Variants in IL16 observed in about 807,000 individuals in gnomAD.
IL16 encodes the protein pro-interleukin-16.
IL16 carries 67 observed loss-of-function variants against 110.1 expected under a neutral mutation model. The observed-to-expected ratio is 0.61, with a 90% CI of 0.50 to 0.75. The LOEUF (loss-of-function observed/expected upper bound fraction) is 0.75. Among genes scored for constraint, IL16 ranks in the 30% least tolerant of loss-of-function variants. The pLI is 0.00. For synonymous variants in IL16, 689 were observed against 662.9 expected, an observed-to-expected ratio of 1.04 and a Z score of -0.61; for missense variants, 1,545 against 1,655.0, an observed-to-expected ratio of 0.93 and a Z score of 1.15.
chr15:81,210,367 AT>A (rs1307858598), intron 1 of IL16, among the ~76,000 whole-genome samples: 2 of 152,174 alleles, frequency 1.3e-5, no homozygotes, highest in Non-Finnish European at 2.9e-5. Flanking sequence ...TTCCGTATGA[AT>A]TTTAGAATAG....
At chr15:81,195,706 G>C (rs1264021536), upstream of IL16, among the ~76,000 whole-genome samples, 3 of 152,160 alleles carry the variant, frequency 2.0e-5, no homozygotes, top group Non-Finnish European at 4.4e-5. Flanking sequence ...GAAACATTTG[G>C]TGCTGAGCGT....
At chr15:81,250,154 T>C (rs1897716562) in intron 2 of IL16, among the ~76,000 whole-genome samples, 1 of 152,154 alleles carries the variant, frequency 6.6e-6, no homozygotes, top group African/African-American at 2.4e-5. Context: ...TTGCTCCTTG[T>C]AGTTCTCTCT....
chr15:81,278,635 A>G (rs1467890237), intron 6 of IL16, among the ~76,000 whole-genome samples, 182 bp from the exon 7 acceptor site: 1 of 152,208 alleles, frequency 6.6e-6, no homozygotes, highest in East Asian at 1.9e-4. Context: ...GGTGCCAGAG[A>G]AGGCCCATGT....
chr15:81,311,292 C>CTGAT lies in IL16; in HGVS notation c.*2496_*2499dup, dbSNP rs1194175873. On this transcript the variant is annotated 3_prime_UTR_variant, in exon 19 of 19. Transcript: ENST00000683961. ...CTTCTTTGCTTTGCCCAGCATTTTA[C>CTGAT]TGATTCATACATTATCTCACTTGTG... 2 of 152,242 alleles carry CTGAT rather than the reference C, an allele frequency of 1.3e-5. No individual in the cohort carries two copies. The highest frequency in any genetic ancestry group is 2.4e-5 in the African/African-American group (1 of 41,464). The allele number at this position is 152,242 out of a possible 1,614,324, so 9.4% of individuals were successfully genotyped here.
At chr15:81,262,653 C>T (rs1234307142) in intron 3 of IL16, among the ~76,000 whole-genome samples, 1 of 152,128 alleles carries the variant, frequency 6.6e-6, no homozygotes, top group Non-Finnish European at 1.5e-5. Flanking sequence ...AGCTTAAGGC[C>T]GGGCGCAGTG....
chr15:81,306,675 G>A lies in IL16; in HGVS notation c.3805+130G>A, dbSNP rs771909980. The A allele has an allele frequency of 2.7e-6, 3 of 1,094,094 alleles. No homozygotes were observed. The Admixed American group carries it at 5.1e-5, about 19-fold the overall frequency. 67.8% of individuals were successfully genotyped at this position (1,094,094 alleles called of 1,614,324 possible). ...TCCATGTCCTCTTCATAGGCATGCT[G>A]GTCCTTTTAGGGCTCAATTCTGCTT... On this transcript the variant is annotated intron_variant, in intron 18 of 18. Transcript: ENST00000683961.
Position 81,296,983 on chromosome 15 carries a change from G to C in IL16, c.1958G>C (p.Ser653Thr). The C allele has an allele frequency of 6.2e-7, 1 of 1,613,834 alleles. No individual in the cohort carries two copies. The highest frequency in any genetic ancestry group is 1.1e-5 in the South Asian group (1 of 91,064). ...CCACAGGAAGACACAGCAGGGAGAA[G>C]CCCTAGTGCCTCTGCCGGCTGCCCA... is the stretch of plus-strand genomic sequence containing the variant. The part of the protein sequence containing the change: ...LLPQEDTAGR[S>T]PSASAGCPGP... Residue 653 changes from serine (S) to threonine (T), a missense_variant, in exon 13 of 19, where the codon AGC becomes ACC. This residue lies in a region of IL16 where 1,185 missense variants were observed against 1,238.8 expected (regional missense o/e 0.96). Coordinates refer to ENST00000683961, the MANE Select transcript of IL16 (RefSeq NM_172217.5).
chr15:81,246,335 T>A (rs1047558814), intron 2 of IL16, among the ~76,000 whole-genome samples: 3 of 152,110 alleles, frequency 2.0e-5, no homozygotes, highest in Non-Finnish European at 4.4e-5. Context: ...CCTCCAACCA[T>A]CTCCCCACCC....
chr15:81,278,891 G>A lies in IL16; in HGVS notation c.864+1G>A. ...TCAGGATGCTTTGCAGAAGTTCAAG[G>A]TGACCATTTCTTATCAACACGTGAC... is the stretch of plus-strand genomic sequence containing the variant. On this transcript the variant is annotated splice_donor_variant, in intron 7 of 18. Coordinates refer to ENST00000683961, the MANE Select transcript of IL16 (RefSeq NM_172217.5). LOFTEE classifies it high-confidence loss of function. 6.2e-7 allele frequency: 1 copy of A among 1,608,420 alleles called. No homozygotes were observed. Among genetic ancestry groups the A allele is most frequent in the East Asian group, 2.2e-5 (1 of 44,854 alleles).
Position 81,204,548 on chromosome 15 carries a change from C to G in IL16, c.-102+7396C>G, listed in dbSNP as rs138357566. ...TTAGCATGATGGGTTGTTGAATTTT[C>G]TCAAAGGCCTTTTCTGCATCTATTG... On this transcript the variant is annotated intron_variant, in intron 1 of 18. Coordinates refer to ENST00000683961, the MANE Select transcript of IL16 (RefSeq NM_172217.5). 2.6e-3 allele frequency among the ~76,000 whole-genome samples: 397 copies of G among 152,044 alleles called. 1 individual carries two copies. The highest frequency in any genetic ancestry group is 9.2e-3 in the African/African-American group (383 of 41,422).
intron 1 of IL16, among the ~76,000 whole-genome samples, chr15:81,216,819 C>T (rs538208412): frequency 6.6e-6 from 1 of 152,254 alleles, no homozygotes; most frequent in Non-Finnish European, 1.5e-5. Context: ...TACAGCCTTG[C>T]AGCCAAGCCT....
intron 2 of IL16, among the ~76,000 whole-genome samples, chr15:81,240,178 T>C (rs1897299521): frequency 1.3e-5 from 2 of 152,190 alleles, no homozygotes; most frequent in South Asian, 4.1e-4. Flanking sequence ...CATTTTGTTG[T>C]AGTTCATTGA....
At chr15:81,239,350 T>C (rs1039225994) in intron 2 of IL16, among the ~76,000 whole-genome samples, 2 of 152,174 alleles carry the variant, frequency 1.3e-5, no homozygotes, top group Non-Finnish European at 2.9e-5. Flanking sequence ...CTTGCAGTGC[T>C]ATTCTGGTAT....
intron 1 of IL16, among the ~76,000 whole-genome samples, chr15:81,210,240 C>T (rs1372026944): frequency 6.6e-6 from 1 of 152,146 alleles, no homozygotes; most frequent in Non-Finnish European, 1.5e-5. Context: ...ATTTTCTATA[C>T]CAGTGCCATG....
At chr15:81,264,466 T>G (rs1273392144) in intron 3 of IL16, among the ~76,000 whole-genome samples, 1 of 152,206 alleles carries the variant, frequency 6.6e-6, no homozygotes, top group Non-Finnish European at 1.5e-5. Context: ...AGTGGCTTCC[T>G]CTCTTCAGCC....
intron 6 of IL16, among the ~76,000 whole-genome samples, chr15:81,278,243 A>C (rs1020019080): frequency 6.6e-6 from 1 of 152,084 alleles, no homozygotes; most frequent in Non-Finnish European, 1.5e-5. Flanking sequence ...CCTGTCCCCA[A>C]CAAGCTGCCA....
At chr15:81,185,363 CTT>C (rs537025840) in intron 1 of IL16, among the ~76,000 whole-genome samples, 5 of 141,814 alleles carry the variant, frequency 3.5e-5, no homozygotes, top group Middle Eastern at 3.3e-3. Flanking sequence ...TTTTCTTTTC[CTT>C]TTTTTTTTTT....
At chr15:81,276,859 C>T (rs1208409140) in intron 6 of IL16, among the ~76,000 whole-genome samples, 2 of 152,122 alleles carry the variant, frequency 1.3e-5, no homozygotes, top group African/African-American at 4.8e-5. Context: ...TACTATACTA[C>T]ATCAGGAAAT....
chr15:81,273,331 A>C (rs1898734293), intron 6 of IL16, 127 bp downstream of exon 6: 2 of 610,910 alleles, frequency 3.3e-6, no homozygotes, highest in African/African-American at 1.9e-5. Flanking sequence ...GCCAGCATGC[A>C]TCCTGGGGTC....
Sources: allele counts gnomAD v4.1 joint callset (sites outside exome capture counted in the v4.1 genomes callset), GRCh38; gene constraint gnomAD v4.1.1; regional missense constraint gnomAD v4.1.1; transcripts MANE v1.5; gene names NCBI Gene and HGNC (gene_info 2026-07-23, HGNC 2026-07-21).